The following KIF21A variants were observed in gnomAD, a reference collection of about 807,000 sequenced individuals.
KIF21A encodes kinesin-like protein KIF21A.
Under a neutral mutation model 202.9 loss-of-function variants are expected in KIF21A, and 114 were observed. That is an observed-to-expected ratio of 0.56 (90% CI 0.48 to 0.66). The LOEUF (loss-of-function observed/expected upper bound fraction) is 0.66, where lower values mean the gene tolerates loss of function less well. Among genes scored for constraint, KIF21A ranks in the 30% least tolerant of loss-of-function variants. The pLI, the probability that KIF21A is intolerant of heterozygous loss-of-function variation, is 0.00. For missense variants in KIF21A, 1,677 were observed against 1,994.9 expected (o/e 0.84, Z 3.04); for synonymous variants, 667 against 670.8 (o/e 0.99, Z 0.09).
intron 1 of KIF21A, among the ~76,000 whole-genome samples, chr12:39,436,441 TATATATA>T (rs1366737456): frequency 8.4e-6 from 1 of 119,034 alleles, no homozygotes; most frequent in African/African-American, 4.0e-5. Context: ...TATATATATA[TATATATA>T]TTTTTTTTTT....
chr12:39,437,743 C>T (rs1939013338), intron 1 of KIF21A, among the ~76,000 whole-genome samples: 1 of 152,164 alleles, frequency 6.6e-6, no homozygotes, highest in Non-Finnish European at 1.5e-5. Context: ...GCAAGGACAA[C>T]ATACGTCACG....
At chr12:39,379,225 G>A (rs1400985366) in intron 1 of KIF21A, among the ~76,000 whole-genome samples, 1 of 151,702 alleles carries the variant, frequency 6.6e-6, no homozygotes, top group East Asian at 1.9e-4. Context: ...AGCTACTCAG[G>A]ACAATCGCTT....
At chr12:39,331,050 C>T (rs1397897887) in intron 22 of KIF21A, 139 bp from the exon 23 acceptor site, 1 of 808,038 alleles carries the variant, frequency 1.2e-6, no homozygotes, top group Non-Finnish European at 2.1e-6. Flanking sequence ...CCTCCAGTAA[C>T]TGGCTTAGTG....
intron 11 of KIF21A, among the ~76,000 whole-genome samples, chr12:39,350,025 G>A (rs1948235839): frequency 1.3e-5 from 2 of 151,874 alleles, no homozygotes. Flanking sequence ...TTTTTAGAAA[G>A]TATTAATTTG....
chr12:39,391,928 C>T (rs7970641), intron 1 of KIF21A, among the ~76,000 whole-genome samples: 8,805 of 151,990 alleles, frequency 0.058, 848 homozygotes, highest in African/African-American at 0.2. Flanking sequence ...TTAGTAGAGA[C>T]GGGGTTTCAC....
intron 11 of KIF21A, among the ~76,000 whole-genome samples, chr12:39,350,815 T>C (rs1444317167): frequency 6.6e-6 from 1 of 152,012 alleles, no homozygotes; most frequent in Non-Finnish European, 1.5e-5. Flanking sequence ...CCAATGACTT[T>C]GATCAACTGG....
Position 39,302,998 on chromosome 12 carries a change from C to T in KIF21A, c.4698G>A (p.Lys1566=), listed in dbSNP as rs781366144. ...GGTCTTTTTGAGTTAAGTCCCATTT[C>T]TTGATTCCATTATCTCTAGACCCAC... ...LFSGSRDNGI[K]KWDLTQKDLL... Residue 1566 remains lysine, a synonymous_variant, in exon 36 of 38, where the codon AAG becomes AAA. Transcript: ENST00000361418. 1 of 1,613,900 alleles carries T rather than the reference C, an allele frequency of 6.2e-7. No individual in the cohort carries two copies. Among genetic ancestry groups the T allele is most frequent in the African/African-American group, 1.3e-5 (1 of 74,924 alleles).
intron 12 of KIF21A, among the ~76,000 whole-genome samples, chr12:39,343,366 A>AAATT (rs998813374): frequency 2.0e-5 from 3 of 152,082 alleles, no homozygotes; most frequent in African/African-American, 4.8e-5. Context: ...TCTCAAAAAT[A>AAATT]AATTAATTAA....
At chr12:39,298,524 G>A (rs886673603) in intron 37 of KIF21A, among the ~76,000 whole-genome samples, 2 of 152,130 alleles carry the variant, frequency 1.3e-5, no homozygotes, top group Admixed American at 6.5e-5. Flanking sequence ...AGAACTGCAG[G>A]AAGAGTTAAA....
At chr12:39,415,928 G>A (rs1953541420) in intron 1 of KIF21A, among the ~76,000 whole-genome samples, 1 of 152,136 alleles carries the variant, frequency 6.6e-6, no homozygotes, top group Non-Finnish European at 1.5e-5. Flanking sequence ...CTTCTTTCAA[G>A]TACAAGTGTT....
In KIF21A at chr12:39,316,273, A is replaced by G. The variant is rs1421782952; in HGVS notation, c.3909-303T>C. 2.0e-5 allele frequency among the ~76,000 whole-genome samples: 3 copies of G among 152,300 alleles called. No individual in the cohort carries two copies. In the East Asian group the frequency reaches 5.8e-4, roughly 29 times the overall value. On this transcript the variant is annotated intron_variant, in intron 29 of 37. Coordinates refer to ENST00000361418, the MANE Select transcript of KIF21A (RefSeq NM_001173464.2). ...CTTGCAGAAGAATAGTATCAAGTAC[A>G]TGAGATATAGCACTTCAAGGTTTGC... is the stretch of plus-strand genomic sequence containing the variant.
chr12:39,384,178 C>G (rs1950793925), intron 1 of KIF21A, among the ~76,000 whole-genome samples: 2 of 151,950 alleles, frequency 1.3e-5, no homozygotes, highest in South Asian at 4.2e-4. Context: ...ATAAATCAAC[C>G]AAAGAAATGT....
At chr12:39,300,011 A>T (rs1942816183) in intron 37 of KIF21A, among the ~76,000 whole-genome samples, 1 of 152,152 alleles carries the variant, frequency 6.6e-6, no homozygotes, top group Non-Finnish European at 1.5e-5. Flanking sequence ...TACTAGGCTT[A>T]GTACATGGGT....
intron 1 of KIF21A, among the ~76,000 whole-genome samples, chr12:39,416,120 T>C (rs1342565523): frequency 6.6e-6 from 1 of 152,056 alleles, no homozygotes; most frequent in Non-Finnish European, 1.5e-5. Context: ...AAAGTTTTAA[T>C]TCATTCAGAA....
chr12:39,317,680 A>C (rs1316337817), intron 29 of KIF21A, among the ~76,000 whole-genome samples: 1 of 152,188 alleles, frequency 6.6e-6, no homozygotes, highest in Non-Finnish European at 1.5e-5. Flanking sequence ...TATATCCCCC[A>C]GAAGTAAAGT....
chr12:39,419,943 C>T (rs547192212), intron 1 of KIF21A, among the ~76,000 whole-genome samples: 6 of 152,156 alleles, frequency 3.9e-5, no homozygotes, highest in Non-Finnish European at 7.4e-5. Flanking sequence ...AGGCCCATCT[C>T]AGAGTGTCCA....
At chr12:39,416,689 ATATATATATGTACATATATATGTGTG>A (rs1953682425) in intron 1 of KIF21A, among the ~76,000 whole-genome samples, 8 of 94,738 alleles carry the variant, frequency 8.4e-5, no homozygotes, top group South Asian at 3.2e-4. Context: ...ATATGTGTGT[ATATATATATGTACATATATATGTGTG>A]TATATATGTA....
At chr12:39,409,433 G>C (rs1487320506) in intron 1 of KIF21A, among the ~76,000 whole-genome samples, 1 of 150,300 alleles carries the variant, frequency 6.7e-6, no homozygotes, top group Admixed American at 6.6e-5. Context: ...TGAAGTGAGA[G>C]GATTGTTTGA....
intron 26 of KIF21A, among the ~76,000 whole-genome samples, chr12:39,324,156 G>A (rs1945600481): frequency 6.6e-6 from 1 of 151,866 alleles, no homozygotes; most frequent in Non-Finnish European, 1.5e-5. Flanking sequence ...CATCTTAGCA[G>A]TTCAAACGGA....
Sources: allele counts gnomAD v4.1 joint callset (sites outside exome capture counted in the v4.1 genomes callset), GRCh38; gene constraint gnomAD v4.1.1; transcripts MANE v1.5; gene names NCBI Gene and HGNC (gene_info 2026-07-23, HGNC 2026-07-21).